GARNL3: variants seen among roughly 807,000 people sequenced by gnomAD.
GARNL3 encodes GTPase-activating Rap/Ran-GAP domain-like protein 3.
In GARNL3, 63 loss-of-function variants were observed where a neutral mutation model predicts 125.0. The observed-to-expected ratio is 0.50, with a 90% CI of 0.41 to 0.62. The LOEUF (loss-of-function observed/expected upper bound fraction) is 0.62, where lower values mean the gene tolerates loss of function less well. Ranked by LOEUF, GARNL3 falls within the 20% of genes least tolerant of loss-of-function variation. GARNL3 has a pLI of 0.00. For synonymous variants in GARNL3, 439 were observed against 457.5 expected (o/e 0.96, Z 0.52); for missense variants, 994 against 1,244.0 (o/e 0.80, Z 3.02).
intron 7 of GARNL3, among the ~76,000 whole-genome samples, chr9:127,326,160 G>C (rs986560094): frequency 6.6e-6 from 1 of 152,124 alleles, no homozygotes; most frequent in Non-Finnish European, 1.5e-5. Flanking sequence ...TGACCACTCT[G>C]TCTAGAATAG....
rs774450714 is a variant in GARNL3 at position 127,389,010 on chromosome 9, A to G, written c.2634A>G (p.Pro878=). 8 of 1,613,208 alleles carry G rather than the reference A, an allele frequency of 5.0e-6. No individual in the cohort carries two copies. Among genetic ancestry groups the G allele is most frequent in the Non-Finnish European group, 6.8e-6 (8 of 1,179,248 alleles). Residue 878 remains proline (P), a synonymous_variant, in exon 26 of 28, where the codon CCA becomes CCG. Transcript: ENST00000373387. ...KSPLVSKVIT[P]PTPISVGLAA... ...CCTTAGTCTCCAAGGTCATCACCCC[A>G]CCCACTCCCATCAGTGTGGGCCTTG...
intron 2 of GARNL3, among the ~76,000 whole-genome samples, chr9:127,252,496 T>G (rs1231755913): frequency 6.6e-6 from 1 of 152,186 alleles, no homozygotes; most frequent in African/African-American, 2.4e-5. Context: ...TGATGATAAA[T>G]ATTTGTTGAG....
At chr9:127,371,122 C>T (rs1357550647) in intron 22 of GARNL3, among the ~76,000 whole-genome samples, 3 of 152,260 alleles carry the variant, frequency 2.0e-5, no homozygotes, top group African/African-American at 7.2e-5. Context: ...CTTTACTCCC[C>T]ATCTCCAAGC....
In GARNL3 at chr9:127,301,237, G is replaced by A. The variant is rs1032526140; in HGVS notation, c.219+9995G>A. Among the ~76,000 whole-genome samples, 35 of 152,144 alleles carry A rather than the reference G, an allele frequency of 2.3e-4. 1 individual carries two copies. The highest frequency in any genetic ancestry group is 8.0e-4 in the African/African-American group (33 of 41,436). ...CTTTTGGACCAAAGTGCTCAGAACC[G>A]AACACAGGGCTCTGGGCATGCTCCA... On this transcript the variant is annotated intron_variant, in intron 2 of 27. Transcript: ENST00000373387.
chr9:127,353,214 G>A (rs1415246406), intron 17 of GARNL3, among the ~76,000 whole-genome samples: 1 of 152,020 alleles, frequency 6.6e-6, no homozygotes, highest in Non-Finnish European at 1.5e-5. Context: ...TGCTGTTTTG[G>A]CAATTTAGTT....
At chr9:127,333,215 G>C (rs1384874741) in intron 9 of GARNL3, 94 bp downstream of exon 9, 6 of 963,742 alleles carry the variant, frequency 6.2e-6, no homozygotes, top group Non-Finnish European at 9.8e-6. Context: ...GAAGGGGGAA[G>C]GGATGGATGA....
chr9:127,226,958 T>C (rs902083698), intron 1 of GARNL3, among the ~76,000 whole-genome samples: 1 of 152,240 alleles, frequency 6.6e-6, no homozygotes, highest in African/African-American at 2.4e-5. Context: ...TCCGCAGTGA[T>C]GGAAACCTAT....
chr9:127,335,101 A>C, intron 9 of GARNL3, 129 bp from the exon 10 acceptor site: 1 of 664,192 alleles, frequency 1.5e-6, no homozygotes, highest in Non-Finnish European at 2.7e-6. Context: ...TGTTGCTTCC[A>C]TGCAGGTGGA....
chr9:127,272,508 G>A (rs2063847267), intron 1 of GARNL3, among the ~76,000 whole-genome samples: 2 of 141,004 alleles, frequency 1.4e-5, no homozygotes, highest in South Asian at 4.2e-4. Context: ...TTTTGAGGAG[G>A]AGGAGTCTCA....
chr9:127,231,858 A>G (rs2063025174), intron 1 of GARNL3, among the ~76,000 whole-genome samples: 1 of 152,204 alleles, frequency 6.6e-6, no homozygotes, highest in South Asian at 2.1e-4. Flanking sequence ...CCACCCCCAG[A>G]GATTCTGATT....
At chr9:127,293,818 G>A (rs1219523086) in intron 2 of GARNL3, among the ~76,000 whole-genome samples, 1 of 152,110 alleles carries the variant, frequency 6.6e-6, no homozygotes, top group Non-Finnish European at 1.5e-5. Context: ...CTTTTTGGTA[G>A]GGAGGACTTA....
chr9:127,371,477 T>TGTCACA (rs1831604542), intron 22 of GARNL3, among the ~76,000 whole-genome samples: 1 of 152,046 alleles, frequency 6.6e-6, no homozygotes, highest in East Asian at 1.9e-4. Context: ...AGGCTGTGTG[T>TGTCACA]GTCACAGTGT....
In GARNL3 at chr9:127,294,054, G is replaced by A. The variant is rs918266087; in HGVS notation, c.219+2812G>A. On this transcript the variant is annotated intron_variant, in intron 2 of 27. Coordinates refer to ENST00000373387, the MANE Select transcript of GARNL3 (RefSeq NM_032293.5). ...TTCTGATTCCCTCTTCCTTCAGTGT[G>A]CAGCCCTTTGGGATCCTAGCATAAT... 9.2e-5 allele frequency among the ~76,000 whole-genome samples: 14 copies of A among 152,226 alleles called. 1 individual carries two copies. The East Asian group carries it at 1.9e-3, about 21-fold the overall frequency.
chr9:127,250,229 G>T (rs891946420), intron 2 of GARNL3, among the ~76,000 whole-genome samples: 1 of 152,146 alleles, frequency 6.6e-6, no homozygotes, highest in Non-Finnish European at 1.5e-5. Flanking sequence ...AGGAAATGGG[G>T]GCTGGGAGGC....
chr9:127,317,733 AAAC>A (rs55904456), intron 4 of GARNL3, among the ~76,000 whole-genome samples: 20,192 of 151,630 alleles, frequency 0.13, 1,721 homozygotes, highest in East Asian at 0.21. Flanking sequence ...AAACAAAACA[AAAC>A]AACAACAACA....
chr9:127,240,410 CT>C (rs1334329276), intron 1 of GARNL3, among the ~76,000 whole-genome samples: 1 of 152,120 alleles, frequency 6.6e-6, no homozygotes, highest in Non-Finnish European at 1.5e-5. Context: ...GAAGGATTCA[CT>C]TGGGCCTTTA....
At chr9:127,296,218 T>C (rs2131390262) in intron 2 of GARNL3, among the ~76,000 whole-genome samples, 1 of 152,254 alleles carries the variant, frequency 6.6e-6, no homozygotes, top group African/African-American at 2.4e-5. Flanking sequence ...CACCTCCTGC[T>C]GTGTAGCCCA....
chr9:127,392,989 C>T lies in GARNL3; in HGVS notation c.2871-94C>T, dbSNP rs1832947276. 1 of 1,052,584 alleles carries T rather than the reference C, an allele frequency of 9.5e-7. No individual in the cohort carries two copies. The highest frequency in any genetic ancestry group is 1.4e-6 in the Non-Finnish European group (1 of 718,374). 65.2% of individuals were successfully genotyped at this position (1,052,584 alleles called of 1,614,324 possible). A position where few individuals can be genotyped will look rare whatever the true frequency, so the allele number is the denominator to read the frequency against. On this transcript the variant is annotated intron_variant, in intron 27 of 27. Coordinates refer to ENST00000373387, the MANE Select transcript of GARNL3 (RefSeq NM_032293.5). This position sits in a 1 kb window ranked among gnomAD's most constrained non-coding sequence, Gnocchi z 5.2. ...CAGTGAGGGTTTGGTGAGCCAAACTCATGAGCTCAGATGAGCAGGAAATTG... is the reference window on the plus strand; with the variant it reads ...CAGTGAGGGTTTGGTGAGCCAAACTTATGAGCTCAGATGAGCAGGAAATTG...
intron 2 of GARNL3, among the ~76,000 whole-genome samples, chr9:127,258,405 C>T (rs1212912779): frequency 2.0e-5 from 3 of 151,916 alleles, no homozygotes; most frequent in Non-Finnish European, 2.9e-5. Context: ...TTTGGGAGGC[C>T]GAAGCAGATG....
Sources: gnomAD v4.1 joint callset for allele counts (sites outside exome capture counted in the v4.1 genomes callset) on GRCh38, gnomAD v4.1.1 for gene constraint, Gnocchi (gnomAD v3.1) non-coding constraint, MANE v1.5 for transcripts, NCBI Gene and HGNC (gene_info 2026-07-23, HGNC 2026-07-21) for gene names.